FARS2: variants seen among roughly 807,000 people sequenced by gnomAD.
FARS2 encodes phenylalanyl-tRNA synthetase 2, mitochondrial.
A neutral mutation model predicts 46.4 loss-of-function variants in FARS2; 40 were observed. That is an observed-to-expected ratio of 0.86 (90% CI 0.67 to 1.12). The LOEUF (loss-of-function observed/expected upper bound fraction) is 1.12. Among genes scored for constraint, FARS2 ranks in the 50% most tolerant of loss-of-function variants. The probability of loss-of-function intolerance (pLI) is 0.00; values close to 1 mark genes in which losing one functional copy is unlikely to be tolerated. For synonymous variants in FARS2, 234 were observed against 214.9 expected, an observed-to-expected ratio of 1.09 and a Z score of -0.78; for missense variants, 513 against 567.9, an observed-to-expected ratio of 0.90 and a Z score of 0.98.
chr6:5,679,219 A>T (rs1014180522), intron 6 of FARS2, among the ~76,000 whole-genome samples: 1 of 152,162 alleles, frequency 6.6e-6, no homozygotes, highest in East Asian at 1.9e-4. Context: ...CCTTCAGGCT[A>T]TGCTTTCTAG....
chr6:5,340,371 T>G (rs909633682), intron 1 of FARS2, among the ~76,000 whole-genome samples: 1 of 152,210 alleles, frequency 6.6e-6, no homozygotes, highest in Admixed American at 6.5e-5. Flanking sequence ...TGATTATTTA[T>G]TAGGTCAAGT....
At chr6:5,695,753 G>A (rs1444719636) in intron 6 of FARS2, among the ~76,000 whole-genome samples, 7 of 152,140 alleles carry the variant, frequency 4.6e-5, no homozygotes, top group Non-Finnish European at 1.0e-4. Context: ...AAGCCATAAA[G>A]GAAAAGAGTG....
intron 1 of FARS2, 106 bp from the exon 2 acceptor site, chr6:5,368,444 G>A (rs1327994526): frequency 4.1e-6 from 4 of 979,492 alleles, no homozygotes; most frequent in Non-Finnish European, 6.1e-6. Flanking sequence ...CGTAGTGGGG[G>A]AAACATGCCA....
chr6:5,441,834 G>C (rs1417993437), intron 4 of FARS2, among the ~76,000 whole-genome samples: 3 of 152,214 alleles, frequency 2.0e-5, no homozygotes, highest in Non-Finnish European at 4.4e-5. Context: ...TTCCCAAAGT[G>C]GTTGGCCCAA....
chr6:5,265,089 G>A (rs1765463973), intron 1 of FARS2, among the ~76,000 whole-genome samples: 1 of 151,954 alleles, frequency 6.6e-6, no homozygotes, highest in Admixed American at 6.6e-5. Flanking sequence ...GTGAGTCGTG[G>A]CACTTGGCCA....
At chr6:5,322,788 GA>G (rs1271824774) in intron 1 of FARS2, among the ~76,000 whole-genome samples, 1 of 152,158 alleles carries the variant, frequency 6.6e-6, no homozygotes, top group African/African-American at 2.4e-5. Context: ...TTTTGGTTTT[GA>G]TTTTGTCTGC....
intron 1 of FARS2, among the ~76,000 whole-genome samples, chr6:5,285,897 A>G (rs58302900): frequency 0.013 from 2,035 of 152,304 alleles, 40 homozygotes; most frequent in African/African-American, 0.046. Flanking sequence ...TGTTTGTCCC[A>G]ATTGTTAAGA....
intron 1 of FARS2, among the ~76,000 whole-genome samples, chr6:5,314,170 A>C (rs1032266407): frequency 6.6e-6 from 1 of 152,174 alleles, no homozygotes; most frequent in African/African-American, 2.4e-5. Flanking sequence ...TGGATCGAGG[A>C]GTCTAAGACT....
At chr6:5,554,858 T>C (rs958164944) in intron 5 of FARS2, among the ~76,000 whole-genome samples, 1 of 152,188 alleles carries the variant, frequency 6.6e-6, no homozygotes, top group Non-Finnish European at 1.5e-5. Flanking sequence ...CTGTTACTGT[T>C]GCCTATACCA....
chr6:5,432,327 A>ATATAT (rs1331215297), intron 4 of FARS2, among the ~76,000 whole-genome samples: 26 of 61,072 alleles, frequency 4.3e-4, no homozygotes, highest in Middle Eastern at 8.9e-3. Flanking sequence ...AAAAAAAAAA[A>ATATAT]ATATATATAT....
intron 4 of FARS2, among the ~76,000 whole-genome samples, chr6:5,494,126 CTT>C (rs56775720): frequency 8.4e-5 from 11 of 131,206 alleles, no homozygotes; most frequent in Admixed American, 1.5e-4. Flanking sequence ...TTTTTTTTTT[CTT>C]TTTTTTTTTT....
chr6:5,668,724 T>G, intron 6 of FARS2, among the ~76,000 whole-genome samples: 1 of 141,076 alleles, frequency 7.1e-6, no homozygotes, highest in Non-Finnish European at 1.5e-5. Context: ...ATGGAGTTTG[T>G]CTCTTGTTGC....
intron 6 of FARS2, among the ~76,000 whole-genome samples, chr6:5,735,316 T>G (rs1760880797): frequency 6.6e-6 from 1 of 152,264 alleles, no homozygotes; most frequent in African/African-American, 2.4e-5. Flanking sequence ...TCCACTGCTA[T>G]TTCCACGTCA....
At chr6:5,286,585 A>T (rs996554585) in intron 1 of FARS2, among the ~76,000 whole-genome samples, 5 of 152,092 alleles carry the variant, frequency 3.3e-5, no homozygotes, top group Non-Finnish European at 7.4e-5. Flanking sequence ...CAGAATATAA[A>T]GTGTGTTTTA....
At chr6:5,571,393 GA>G (rs1180099836) in intron 5 of FARS2, among the ~76,000 whole-genome samples, 1 of 152,136 alleles carries the variant, frequency 6.6e-6, no homozygotes. Context: ...TAATTTAGTG[GA>G]AAAGATTATT....
chr6:5,638,436 G>A (rs1411490929), intron 6 of FARS2, among the ~76,000 whole-genome samples: 3 of 152,180 alleles, frequency 2.0e-5, no homozygotes, highest in South Asian at 2.1e-4. Context: ...GTGGTGGCAC[G>A]TGCCTGTAGT....
chr6:5,377,242 TC>T (rs2127660790), intron 2 of FARS2, among the ~76,000 whole-genome samples: 1 of 152,328 alleles, frequency 6.6e-6, no homozygotes, highest in South Asian at 2.1e-4. Flanking sequence ...GTTTTCCCAC[TC>T]TCCCTGGTGG....
chr6:5,380,141 C>T (rs1009038758), intron 2 of FARS2, among the ~76,000 whole-genome samples: 4 of 152,132 alleles, frequency 2.6e-5, no homozygotes, highest in African/African-American at 4.8e-5. Context: ...TCTAGTTATT[C>T]GATCTTAGTA....
At chr6:5,326,605 C>T (rs548486997) in intron 1 of FARS2, among the ~76,000 whole-genome samples, 15 of 152,208 alleles carry the variant, frequency 9.9e-5, no homozygotes, top group African/African-American at 2.9e-4. Context: ...GTGTCACCTT[C>T]GTTAAAGCTT....
Sources: allele counts gnomAD v4.1 joint callset (sites outside exome capture counted in the v4.1 genomes callset), GRCh38; gene constraint gnomAD v4.1.1; transcripts MANE v1.5; gene names NCBI Gene and HGNC (gene_info 2026-07-23, HGNC 2026-07-21).